Variants in DMD observed in about 807,000 individuals in gnomAD.
The protein encoded by DMD is dystrophin.
DMD carries 63 observed loss-of-function variants against 330.1 expected under a neutral mutation model. That is an observed-to-expected ratio of 0.19 (90% CI 0.16 to 0.24). The LOEUF (loss-of-function observed/expected upper bound fraction) is 0.24. DMD is among the 10% of genes least tolerant of loss of function. The probability of loss-of-function intolerance (pLI) is 1.00; values close to 1 mark genes in which losing one functional copy is unlikely to be tolerated. For missense variants in DMD, 3,344 were observed against 2,684.1 expected (o/e 1.25, Z -5.43); for synonymous variants, 1,223 against 959.8 (o/e 1.27, Z -5.07).
intron 2 of DMD, among the ~76,000 whole-genome samples, chrX:32,921,499 T>C (rs2088395185): frequency 9.0e-6 from 1 of 111,626 alleles, no homozygotes; most frequent in Non-Finnish European, 1.9e-5. Context: ...AGGAAATTGA[T>C]GTTCTCATAC....
intron 50 of DMD, among the ~76,000 whole-genome samples, chrX:31,790,431 T>C (rs2091514378): frequency 1.8e-5 from 2 of 111,777 alleles, no homozygotes; most frequent in Admixed American, 9.5e-5. Context: ...AAAATGATAT[T>C]TTGGTGATTA....
intron 17 of DMD, among the ~76,000 whole-genome samples, chrX:32,523,400 C>G: frequency 8.9e-6 from 1 of 111,996 alleles, no homozygotes; most frequent in East Asian, 2.8e-4. Context: ...AGAATTATAA[C>G]TCTGTATTTT....
intron 1 of DMD, among the ~76,000 whole-genome samples, chrX:33,031,525 C>A (rs1350825527): frequency 1.8e-5 from 2 of 111,075 alleles, no homozygotes; most frequent in African/African-American, 6.6e-5. Context: ...GTAATCCCAG[C>A]ACTTTGGGAG....
chrX:33,032,206 A>C (rs1181768881), intron 1 of DMD, among the ~76,000 whole-genome samples: 2 of 111,719 alleles, frequency 1.8e-5, no homozygotes, highest in African/African-American at 6.5e-5. Flanking sequence ...AAGAATCATA[A>C]AGTGTTTTCA....
At chrX:32,807,122 T>TGAAAAAA (rs1345640031) in intron 7 of DMD, among the ~76,000 whole-genome samples, 1 of 20,744 alleles carries the variant, frequency 4.8e-5, no homozygotes, top group Non-Finnish European at 8.5e-5. Context: ...CGGAAACATT[T>TGAAAAAA]AAAAAAAAAA....
chrX:31,632,617 AG>A (rs2079192033), intron 54 of DMD, among the ~76,000 whole-genome samples: 1 of 111,744 alleles, frequency 8.9e-6, no homozygotes, highest in Non-Finnish European at 1.9e-5. Flanking sequence ...GAAAGATTAA[AG>A]GATCATTATT....
chrX:32,089,173 AC>A (rs2096459784), intron 44 of DMD, among the ~76,000 whole-genome samples: 1 of 109,868 alleles, frequency 9.1e-6, no homozygotes, highest in Non-Finnish European at 1.9e-5. Context: ...CAGCTTCATC[AC>A]CCCCCAAAAT....
At chrX:33,067,759 C>A (rs2094687144) in intron 1 of DMD, among the ~76,000 whole-genome samples, 1 of 111,306 alleles carries the variant, frequency 9.0e-6, no homozygotes, top group South Asian at 3.8e-4. Flanking sequence ...GCAAGAGAAT[C>A]GCTTGAACCC....
intron 59 of DMD, among the ~76,000 whole-genome samples, chrX:31,476,418 TATAC>T (rs1321844664): frequency 3.1e-5 from 3 of 96,542 alleles, no homozygotes; most frequent in Admixed American, 1.2e-4. Context: ...TATATATATA[TATAC>T]ACACACACAC....
chrX:31,322,967 C>G (rs1200042484), intron 62 of DMD, among the ~76,000 whole-genome samples: 4 of 111,718 alleles, frequency 3.6e-5, no homozygotes, highest in Non-Finnish European at 7.5e-5. Context: ...CTCTCTCTTC[C>G]ACGTTGACCC....
intron 42 of DMD, among the ~76,000 whole-genome samples, chrX:32,306,174 C>T (rs780929560): frequency 2.7e-5 from 3 of 110,421 alleles, no homozygotes; most frequent in East Asian, 2.9e-4. Context: ...GGCAAAGATT[C>T]GTTAGTCTTT....
rs781543588 is a variant in DMD at position 32,776,172 on chromosome X, TATCTCAGCC to T, written c.649+33312_649+33320del. Among the ~76,000 whole-genome samples the T allele has an allele frequency of 1.0e-3, 113 of 111,172 alleles. 1 individual carries two copies. Among genetic ancestry groups the T allele is most frequent in the Non-Finnish European group, 2.0e-3 (104 of 53,033 alleles). ...CAAGTTCCTCATCTCCATCTGAGAC[TATCTCAGCC>T]TGGACTTCATTGTCCGTATCACTAT... On this transcript the variant is annotated intron_variant, in intron 7 of 78. Transcript: ENST00000357033.
At chrX:32,965,208 G>A (rs1390443522) in intron 2 of DMD, among the ~76,000 whole-genome samples, 4 of 111,323 alleles carry the variant, frequency 3.6e-5, no homozygotes, top group South Asian at 7.5e-4. Flanking sequence ...AATATTTTCC[G>A]GGGCTGGGTG....
intron 45 of DMD, among the ~76,000 whole-genome samples, chrX:31,951,147 A>ATATATATATATG (rs1224190044): frequency 1.3e-5 from 1 of 74,493 alleles, no homozygotes; most frequent in Non-Finnish European, 2.4e-5. Context: ...ATATGTGTAT[A>ATATATATATATG]TATATATATA....
chrX:32,666,831 A>AC (rs2061334668), intron 9 of DMD, among the ~76,000 whole-genome samples: 1 of 108,562 alleles, frequency 9.2e-6, no homozygotes, highest in South Asian at 4.0e-4. Flanking sequence ...TGTCTCCAAA[A>AC]AAAAAAAAAC....
Position 32,310,256 on chromosome X carries a change from C to A in DMD, c.5943G>T (p.Thr1981=), listed in dbSNP as rs757497844. The change falls in exon 42 of 79, where the codon ACG becomes ACT. Residue 1981 remains threonine, a synonymous_variant. Transcript: ENST00000357033. ...GCATGTCTTCAGTCATCACCATCAT[C>A]GTTTCTTCACGGACAGTGTGCTGGT... ...FAQIHTVREE[T]MMVMTEDMPL... is the part of the protein sequence containing the mutation. The A allele has an allele frequency of 3.3e-6, 4 of 1,208,399 alleles. No individual in the cohort carries two copies. Among genetic ancestry groups the A allele is most frequent in the Non-Finnish European group, 4.5e-6 (4 of 893,337 alleles).
At chrX:32,301,429 G>GT (rs200945401) in intron 42 of DMD, among the ~76,000 whole-genome samples, 1,478 of 108,909 alleles carry the variant, frequency 0.014, 7 homozygotes, top group Non-Finnish European at 0.022. Flanking sequence ...GAAAGTTCTT[G>GT]TTTTTTTTCC....
At chrX:32,063,808 GA>G (rs1364262579) in intron 44 of DMD, among the ~76,000 whole-genome samples, 1 of 111,023 alleles carries the variant, frequency 9.0e-6, no homozygotes, top group African/African-American at 3.3e-5. Flanking sequence ...AGACAACCTG[GA>G]AGTTAAAATG....
At chrX:33,320,384 C>T (rs1452923291) in intron 1 of DMD, among the ~76,000 whole-genome samples, 1 of 111,874 alleles carries the variant, frequency 8.9e-6, no homozygotes, top group African/African-American at 3.2e-5. Flanking sequence ...AGTTCCAGAT[C>T]ACCAAAATAA....
Sources: gnomAD v4.1 joint callset for allele counts (sites outside exome capture counted in the v4.1 genomes callset) on GRCh38, gnomAD v4.1.1 for gene constraint, MANE v1.5 for transcripts, NCBI Gene and HGNC (gene_info 2026-07-23, HGNC 2026-07-21) for gene names.